Variants in CHD4 observed in about 807,000 individuals in gnomAD.
CHD4 encodes ATP-dependent chromatin remodeler CHD4.
CHD4 carries 35 observed loss-of-function variants against 235.5 expected under a neutral mutation model. The observed-to-expected ratio is 0.15, with a 90% CI of 0.11 to 0.20. The LOEUF (loss-of-function observed/expected upper bound fraction) is 0.20, where lower values mean the gene tolerates loss of function less well. Among genes scored for constraint, CHD4 ranks in the 10% least tolerant of loss-of-function variants. CHD4 has a pLI of 1.00. For synonymous variants in CHD4, 900 were observed against 850.2 expected, an observed-to-expected ratio of 1.06 and a Z score of -1.02; for missense variants, 1,329 against 2,432.3, an observed-to-expected ratio of 0.55 and a Z score of 9.54.
intron 10 of CHD4, among the ~76,000 whole-genome samples, chr12:6,598,735 G>A (rs1565616196): frequency 6.6e-6 from 1 of 152,166 alleles, no homozygotes; most frequent in Non-Finnish European, 1.5e-5. Context: ...CTTGAACCTG[G>A]GAGGCAGAGC....
chr12:6,601,644 T>G lies in CHD4; in HGVS notation c.557+4A>C. 1 of 1,614,082 alleles carries G rather than the reference T, an allele frequency of 6.2e-7. No homozygotes were observed. The highest frequency in any genetic ancestry group is 8.5e-7 in the Non-Finnish European group (1 of 1,179,916). On this transcript the variant is annotated splice_donor_region_variant and intron_variant, in intron 5 of 39. Coordinates refer to ENST00000544040, the MANE Select transcript of CHD4 (RefSeq NM_001273.5). ...CCCCCTTCCCCAAACCCCTTCTGTTTTACCTGACAAACTGGCTGAAGGCCT... is the reference window on the plus strand; with the variant it reads ...CCCCCTTCCCCAAACCCCTTCTGTTGTACCTGACAAACTGGCTGAAGGCCT...
rs1314696153 is a variant in CHD4 at position 6,600,965 on chromosome 12, G to C, written c.888C>G (p.Ile296Met). The C allele has an allele frequency of 6.2e-7, 1 of 1,607,950 alleles. No homozygotes were observed. The highest frequency in any genetic ancestry group is 8.5e-7 in the Non-Finnish European group (1 of 1,177,786). The change falls in exon 7 of 40, where the codon ATC (isoleucine) becomes ATG (methionine). Residue 296 changes from isoleucine to methionine, a missense_variant. Transcript: ENST00000544040. ...GCTTGGAACCAAAACCTCCCAGCTT[G>C]ATTTTCAGGGGAGCTACTTTCTTGG... ...PKPKKVAPLK[I>M]KLGGFGSKRK...
At chr12:6,577,272 A>C (rs1353027149) in intron 37 of CHD4, among the ~76,000 whole-genome samples, 2 of 151,992 alleles carry the variant, frequency 1.3e-5, no homozygotes, top group African/African-American at 4.8e-5. Flanking sequence ...ATCCAAAAAA[A>C]ACAGCTGGGT....
chr12:6,586,184 G>A (rs567632675), intron 25 of CHD4, among the ~76,000 whole-genome samples: 1 of 151,580 alleles, frequency 6.6e-6, no homozygotes, highest in East Asian at 2.0e-4. Context: ...GGATCACAAG[G>A]TCAGGAGATC....
At chr12:6,602,691 A>C (rs1263114291) in intron 2 of CHD4, among the ~76,000 whole-genome samples, 194 bp from the exon 3 acceptor site, 1 of 152,178 alleles carries the variant, frequency 6.6e-6, no homozygotes, top group Non-Finnish European at 1.5e-5. Flanking sequence ...ATATACCCGA[A>C]ATAGGCCTGC....
At position 6,601,999 on chromosome 12, in the gene CHD4, C is replaced by T; in HGVS notation, c.399G>A (p.Lys133=). ...CATCATCCTCCTCCTCCTCCTCCTCCTTCCGCTTGGATTTGCTCTTCTTCT... is the reference window on the plus strand; with the variant it reads ...CATCATCCTCCTCCTCCTCCTCCTCTTTCCGCTTGGATTTGCTCTTCTTCT... ...KKEKKSKSKR[K]EEEEEEDDDD... The change falls in exon 4 of 40, where the codon AAG becomes AAA. Residue 133 remains lysine (K), a synonymous_variant. Transcript: ENST00000544040. The T allele has an allele frequency of 6.2e-7, 1 of 1,610,622 alleles. No individual in the cohort carries two copies.
intron 13 of CHD4, 27 bp downstream of exon 13, chr12:6,595,979 C>T (rs776776185): frequency 3.1e-5 from 49 of 1,578,804 alleles, no homozygotes; most frequent in Non-Finnish European, 4.1e-5. Context: ...AAAGAAACAA[C>T]TCTATGCCTC....
In CHD4 at chr12:6,592,823, G is replaced by A; in HGVS notation, c.2653-6C>T. 1 of 1,607,054 alleles carries A rather than the reference G, an allele frequency of 6.2e-7. No homozygotes were observed. The highest frequency in any genetic ancestry group is 2.2e-5 in the East Asian group (1 of 44,840). On this transcript the variant is annotated splice_region_variant and splice_polypyrimidine_tract_variant and intron_variant, in intron 17 of 39. Transcript: ENST00000544040. Reference sequence around the variant, plus strand: ...CCATTCAATACCCGGAAGAACTGGTGAAGCAGATGGAGAAAGGTGAAATCC... The same window carrying A: ...CCATTCAATACCCGGAAGAACTGGTAAAGCAGATGGAGAAAGGTGAAATCC...
intron 12 of CHD4, 82 bp from the exon 13 acceptor site, chr12:6,596,219 G>A: frequency 6.4e-7 from 1 of 1,553,748 alleles, no homozygotes; most frequent in Non-Finnish European, 8.8e-7. Flanking sequence ...AATACCGTTT[G>A]TTTCACACCA....
Position 6,581,658 on chromosome 12 carries a change from G to A in CHD4, c.4672C>T (p.Pro1558Ser). 1 of 1,613,652 alleles carries A rather than the reference G, an allele frequency of 6.2e-7. No individual in the cohort carries two copies. Among genetic ancestry groups the A allele is most frequent in the Non-Finnish European group, 8.5e-7 (1 of 1,179,674 alleles). ...GGACAGGCAGACTTACCAGCAGGTG[G>A]GACAGGTGCAGGAGTGTTGGGCTGC... ...DTQPNTPAPV[P>S]PAEDGIKIEE... Residue 1558 changes from proline (P) to serine (S), a missense_variant, in exon 31 of 40, where the codon CCA (proline) becomes TCA (serine). Physicochemically the swap from Pro to Ser is moderately conservative, Grantham distance 74. Around this residue, in one of 26 missense-constraint regions of CHD4, gnomAD observed 219 missense variants for 219.3 expected, o/e 1.00. Transcript: ENST00000544040.
In CHD4 at chr12:6,595,382, C is replaced by T; in HGVS notation, c.2073G>A (p.Lys691=). 6.2e-7 allele frequency: 1 copy of T among 1,614,130 alleles called. No homozygotes were observed. Among genetic ancestry groups the T allele is most frequent in the Non-Finnish European group, 8.5e-7 (1 of 1,180,002 alleles). The change falls in exon 14 of 40, where the codon AAG becomes AAA. Residue 691 remains lysine (K), a synonymous_variant. Coordinates refer to ENST00000544040, the MANE Select transcript of CHD4 (RefSeq NM_001273.5). ...EEGRPGKKLK[K]VKLRKLERPP... ...GCCTCTCCAACTTCCGAAGCTTCAC[C>T]TTCTTGAGCTTCTTGCCTGGTCGGC...
chr12:6,599,659 T>C lies in CHD4; in HGVS notation c.1482+114A>G. 3 of 1,334,932 alleles carry C rather than the reference T, an allele frequency of 2.2e-6. No homozygotes were observed. The Admixed American group carries it at 6.2e-5, about 27-fold the overall frequency. The allele number at this position is 1,334,932 out of a possible 1,614,324, so 82.7% of individuals were successfully genotyped here. On this transcript the variant is annotated intron_variant, in intron 10 of 39. Coordinates refer to ENST00000544040, the MANE Select transcript of CHD4 (RefSeq NM_001273.5). ...ACACTATAGGATGAAGGAGAATACC[T>C]TTCTCAGGGCTGAAAAGCTCATAGT...
chr12:6,598,120 T>C (rs1592279355), intron 11 of CHD4, 21 bp from the exon 12 acceptor site: 1 of 1,613,772 alleles, frequency 6.2e-7, no homozygotes. Flanking sequence ...AAAGAGAAAA[T>C]CAGCCACCAA....
In CHD4 at chr12:6,570,699, G is replaced by A. The variant is rs1565597501; in HGVS notation, c.5722-6C>T. 1.2e-6 allele frequency: 2 copies of A among 1,614,168 alleles called. No homozygotes were observed. Among genetic ancestry groups the A allele is most frequent in the Non-Finnish European group, 1.7e-6 (2 of 1,180,026 alleles). The stretch of plus-strand genomic sequence containing the variant: ...CTTCACTGCTGCTGGGCTACCTAGA[G>A]AAGGAGACCCGAGGAGTCAGAATTC... On this transcript the variant is annotated splice_polypyrimidine_tract_variant and splice_region_variant and intron_variant, in intron 39 of 39. Coordinates refer to ENST00000544040, the MANE Select transcript of CHD4 (RefSeq NM_001273.5).
rs11539542 is a variant in CHD4 at position 6,599,893 on chromosome 12, G to A, written c.1362C>T (p.Val454=). 0.15 allele frequency: 241,124 copies of A among 1,613,918 alleles called. 18,949 individuals are homozygous for A. Among genetic ancestry groups the A allele is most frequent in the Non-Finnish European group, 0.16 (190,605 of 1,179,952 alleles). The change falls in exon 10 of 40, where the codon GTC becomes GTT. Residue 454 remains valine (V), a synonymous_variant. Coordinates refer to ENST00000544040, the MANE Select transcript of CHD4 (RefSeq NM_001273.5). ...EDDHHMEFCR[V]CKDGGELLCC... Reference sequence around the variant, plus strand: ...AGAGCAGTTCCCCACCATCCTTGCAGACCCGACAGAATTCCATATGGTGGT... The same window carrying A: ...AGAGCAGTTCCCCACCATCCTTGCAAACCCGACAGAATTCCATATGGTGGT...
At chr12:6,592,165 T>A in intron 19 of CHD4, 108 bp from the exon 20 acceptor site, 1 of 1,392,114 alleles carries the variant, frequency 7.2e-7, no homozygotes, top group Non-Finnish European at 1.0e-6. Context: ...ACTTTGGAAC[T>A]AAGGACACCT....
chr12:6,572,931 T>TC (rs1009930735), intron 38 of CHD4, 143 bp downstream of exon 38: 18 of 746,824 alleles, frequency 2.4e-5, no homozygotes, highest in Middle Eastern at 3.9e-4. Context: ...GATACTAACC[T>TC]CCCAAGGATG....
At position 6,599,957 on chromosome 12, in the gene CHD4, A is replaced by T; in HGVS notation, c.1298T>A (p.Ile433Asn). Residue 433 changes from isoleucine (I) to asparagine (N), a missense_variant, in exon 10 of 40, where the codon ATC becomes AAC. By Grantham distance (149) the Ile-to-Asn change is moderately radical. Transcript: ENST00000544040. ...AKEDNSEGEEILEEVGGDLEE... is the reference protein window; with the variant it reads ...AKEDNSEGEENLEEVGGDLEE... ...GAGGTCTCCCCCAACCTCTTCCAGG[A>T]TCTCCTCACCCTCCGAATTGTCCTC... 6.2e-7 allele frequency: 1 copy of T among 1,614,004 alleles called. No individual in the cohort carries two copies. The highest frequency in any genetic ancestry group is 8.5e-7 in the Non-Finnish European group (1 of 1,179,980).
intron 10 of CHD4, among the ~76,000 whole-genome samples, chr12:6,598,781 C>T (rs1948541792): frequency 6.6e-6 from 1 of 152,114 alleles, no homozygotes; most frequent in African/African-American, 2.4e-5. Flanking sequence ...TGCACTCCAG[C>T]CTGGGGGACA....
Sources: gnomAD v4.1 joint callset for allele counts (sites outside exome capture counted in the v4.1 genomes callset) on GRCh38, gnomAD v4.1.1 for gene constraint, gnomAD v4.1.1 regional missense constraint, MANE v1.5 for transcripts, NCBI Gene and HGNC (gene_info 2026-07-23, HGNC 2026-07-21) for gene names.